SND1: variants seen among roughly 807,000 people sequenced by gnomAD.
SND1 encodes the protein staphylococcal nuclease domain-containing protein 1.
Under a neutral mutation model 121.7 loss-of-function variants are expected in SND1, and 38 were observed. That is an observed-to-expected ratio of 0.31 (90% CI 0.24 to 0.41). SND1 has a LOEUF of 0.41. Among genes scored for constraint, SND1 ranks in the 10% least tolerant of loss-of-function variants. The pLI, the probability that SND1 is intolerant of heterozygous loss-of-function variation, is 1.00. For synonymous variants in SND1, 401 were observed against 447.4 expected (o/e 0.90, Z 1.31); for missense variants, 868 against 1,184.6 (o/e 0.73, Z 3.92).
chr7:127,826,760 T>A (rs1798649745), intron 11 of SND1, among the ~76,000 whole-genome samples: 1 of 152,356 alleles, frequency 6.6e-6, no homozygotes, highest in Admixed American at 6.5e-5. Flanking sequence ...TTTTTTAAAT[T>A]TTTAAAATTT....
intron 9 of SND1, among the ~76,000 whole-genome samples, chr7:127,710,658 A>C (rs148302379): frequency 6.6e-6 from 1 of 152,184 alleles, no homozygotes; most frequent in African/African-American, 2.4e-5. Context: ...TACCAGTTCA[A>C]TTTCACTCTT....
chr7:127,862,377 G>A (rs1008009769), intron 12 of SND1, among the ~76,000 whole-genome samples: 8 of 152,058 alleles, frequency 5.3e-5, no homozygotes, highest in South Asian at 2.1e-4. Flanking sequence ...TCCGGTGCCC[G>A]GTGATCTTAG....
At chr7:127,938,710 C>T (rs1801118014) in intron 15 of SND1, among the ~76,000 whole-genome samples, 1 of 152,172 alleles carries the variant, frequency 6.6e-6, no homozygotes, top group African/African-American at 2.4e-5. Flanking sequence ...AGCTCTTCTG[C>T]TATTGAGCCT....
intron 10 of SND1, among the ~76,000 whole-genome samples, chr7:127,788,749 C>G (rs764203695): frequency 2.0e-5 from 3 of 152,174 alleles, no homozygotes; most frequent in Non-Finnish European, 4.4e-5. Flanking sequence ...TGCCCTGATT[C>G]TCCTGGCTCT....
chr7:127,915,994 ATATG>A (rs1254691084), intron 14 of SND1, among the ~76,000 whole-genome samples: 6 of 75,492 alleles, frequency 7.9e-5, no homozygotes, highest in East Asian at 7.1e-4. Flanking sequence ...TTAGAACAGC[ATATG>A]TGTGTGTGTG....
At chr7:127,739,116 T>C (rs1373476271) in intron 10 of SND1, among the ~76,000 whole-genome samples, 1 of 152,186 alleles carries the variant, frequency 6.6e-6, no homozygotes, top group Non-Finnish European at 1.5e-5. Flanking sequence ...GCAGTTTCAG[T>C]AAGAGAAAGA....
intron 12 of SND1, among the ~76,000 whole-genome samples, chr7:127,856,021 T>A (rs1458444497): frequency 6.6e-6 from 1 of 152,204 alleles, no homozygotes; most frequent in African/African-American, 2.4e-5. Context: ...TCTCCTCACA[T>A]CACTTTTTCA....
chr7:127,782,834 G>A (rs1403092360), intron 10 of SND1, among the ~76,000 whole-genome samples: 1 of 152,138 alleles, frequency 6.6e-6, no homozygotes, highest in Non-Finnish European at 1.5e-5. Context: ...CAGTGGCCTG[G>A]ACTGAGTTTT....
At chr7:128,070,117 C>T (rs1793383159) in intron 16 of SND1, among the ~76,000 whole-genome samples, 2 of 152,344 alleles carry the variant, frequency 1.3e-5, no homozygotes, top group African/African-American at 4.8e-5. Flanking sequence ...ATCTGAAGGT[C>T]ACATTGACCT....
intron 16 of SND1, among the ~76,000 whole-genome samples, chr7:128,019,513 T>C (rs1803301206): frequency 6.6e-6 from 1 of 152,206 alleles, no homozygotes; most frequent in Non-Finnish European, 1.5e-5. Flanking sequence ...TGCCGCTCCT[T>C]AATGGATGGA....
chr7:127,998,190 T>C, intron 16 of SND1: 1 of 329,816 alleles, frequency 3.0e-6, no homozygotes, highest in Non-Finnish European at 6.1e-6. Context: ...TTGTCCTTTA[T>C]GGTTCTTTAG....
At chr7:127,993,937 G>A (rs913021287) in intron 16 of SND1, among the ~76,000 whole-genome samples, 1 of 152,240 alleles carries the variant, frequency 6.6e-6, no homozygotes, top group Admixed American at 6.5e-5. Flanking sequence ...GAGAGGGGCT[G>A]TGTAACGGTG....
chr7:128,006,939 G>A (rs1802993679), intron 16 of SND1, among the ~76,000 whole-genome samples: 1 of 152,188 alleles, frequency 6.6e-6, no homozygotes, highest in South Asian at 2.1e-4. Context: ...AGCCTTCTCC[G>A]GAGGAGCACT....
intron 9 of SND1, among the ~76,000 whole-genome samples, chr7:127,712,522 G>A (rs1007862214): frequency 2.0e-5 from 3 of 152,060 alleles, no homozygotes; most frequent in Non-Finnish European, 4.4e-5. Context: ...ATCATTTTTG[G>A]TCCCATTTTC....
intron 10 of SND1, among the ~76,000 whole-genome samples, chr7:127,722,292 A>G (rs1222345300): frequency 1.3e-5 from 2 of 149,612 alleles, no homozygotes; most frequent in Non-Finnish European, 3.0e-5. Context: ...TGCTGTGTGT[A>G]CTATCTACTG....
chr7:128,006,500 T>G (rs1487300370), intron 16 of SND1, among the ~76,000 whole-genome samples: 7 of 152,246 alleles, frequency 4.6e-5, no homozygotes, highest in Admixed American at 4.6e-4. Context: ...ATTAGTTCAC[T>G]CACCTGGTGG....
intron 1 of SND1, among the ~76,000 whole-genome samples, chr7:127,664,599 A>G (rs1327873498): frequency 6.6e-6 from 1 of 152,200 alleles, no homozygotes; most frequent in Non-Finnish European, 1.5e-5. Context: ...ACTAGTAAGT[A>G]GGCTGTTTTC....
At chr7:128,049,447 G>A (rs936825439) in intron 16 of SND1, among the ~76,000 whole-genome samples, 2 of 151,928 alleles carry the variant, frequency 1.3e-5, no homozygotes, top group African/African-American at 4.8e-5. Flanking sequence ...TCCTCTTCAG[G>A]TGCCATTCTG....
chr7:128,079,506 G>C (rs913735358), intron 17 of SND1, among the ~76,000 whole-genome samples: 2 of 152,240 alleles, frequency 1.3e-5, no homozygotes, highest in African/African-American at 2.4e-5. Flanking sequence ...AACTATTTGG[G>C]TAGGAGGCCA....
Sources: allele counts gnomAD v4.1 joint callset (sites outside exome capture counted in the v4.1 genomes callset), GRCh38; gene constraint gnomAD v4.1.1; transcripts MANE v1.5; gene names NCBI Gene and HGNC (gene_info 2026-07-23, HGNC 2026-07-21).